DYNC2H1: variants seen among roughly 807,000 people sequenced by gnomAD.
The protein encoded by DYNC2H1 is dynein cytoplasmic 2 heavy chain 1.
DYNC2H1 carries 410 observed loss-of-function variants against 570.0 expected under a neutral mutation model. The ratio of observed to expected loss-of-function variants is 0.72; its 90% CI spans 0.66 to 0.78. DYNC2H1 has a LOEUF of 0.78. Among genes scored for constraint, DYNC2H1 ranks in the 30% least tolerant of loss-of-function variants. The pLI is 0.00. For synonymous variants in DYNC2H1, 1,688 were observed against 1,677.6 expected, an observed-to-expected ratio of 1.01 and a Z score of -0.15; for missense variants, 4,865 against 5,046.4, an observed-to-expected ratio of 0.96 and a Z score of 1.09.
chr11:103,296,159 A>G (rs1313051173), intron 75 of DYNC2H1, among the ~76,000 whole-genome samples: 1 of 152,118 alleles, frequency 6.6e-6, no homozygotes, highest in Admixed American at 6.6e-5. Context: ...TATTGAAATC[A>G]GCTGCTGTGA....
chr11:103,200,066 TG>T lies in DYNC2H1; in HGVS notation c.8110del (p.Glu2704LysfsTer5). On this transcript the variant is annotated frameshift_variant, in exon 50 of 89. Coordinates refer to ENST00000375735, the MANE Select transcript of DYNC2H1 (RefSeq NM_001377.3). LOFTEE classifies it high-confidence loss of function. Reference sequence around the variant, plus strand: ...TGCAGGTGCTGCAACTTGCAGGAATTGAAGCACAACAGGTAGTTTTACTTCT... The same window carrying T: ...TGCAGGTGCTGCAACTTGCAGGAATTAAGCACAACAGGTAGTTTTACTTCT... Reference protein sequence around the residue: ...LKHVLQLAGIEAQQVVLLLED... With the variant: ...LKHVLQLAGIXAQQVVLLLED... 1 of 1,586,468 alleles carries T rather than the reference TG, an allele frequency of 6.3e-7. No homozygotes were observed. Among genetic ancestry groups the T allele is most frequent in the Non-Finnish European group, 8.6e-7 (1 of 1,164,486 alleles).
chr11:103,436,056 T>A (rs1210040549), intron 85 of DYNC2H1, 24 bp downstream of exon 85: 1 of 1,602,810 alleles, frequency 6.2e-7, no homozygotes. Context: ...ATTTACTAAG[T>A]GGGTTGTCTG....
chr11:103,452,416 T>G (rs1471570018), intron 85 of DYNC2H1, among the ~76,000 whole-genome samples: 1 of 152,044 alleles, frequency 6.6e-6, no homozygotes, highest in Non-Finnish European at 1.5e-5. Flanking sequence ...TTTAATTTTG[T>G]CACAATAATT....
intron 77 of DYNC2H1, 35 bp from the exon 78 acceptor site, chr11:103,307,686 T>G: frequency 8.6e-7 from 1 of 1,160,996 alleles, no homozygotes. Flanking sequence ...TCATATATAT[T>G]TAAGTAAATT....
chr11:103,170,895 G>C lies in DYNC2H1; in HGVS notation c.5161G>C (p.Val1721Leu), dbSNP rs745965567. ...LVFNCDEGID[V>L]KSMGRIFVGL... ...TATTGTTGTTTTTAAGGGCATCGAT[G>C]TGAAGTCAATGGGACGAATATTTGT... Residue 1721 changes from valine to leucine, a missense_variant, in exon 34 of 89, where the codon GTG becomes CTG. Val to Leu is a conservative substitution (Grantham distance 32, BLOSUM62 1). Around this residue, in one of 5 missense-constraint regions of DYNC2H1, gnomAD observed 292 missense variants for 300.2 expected, o/e 0.97. Transcript: ENST00000375735. The surrounding 1 kb of genome is among the most constrained non-coding windows in gnomAD (Gnocchi z 4.8). 1 of 1,533,372 alleles carries C rather than the reference G, an allele frequency of 6.5e-7. No homozygotes were observed. Among genetic ancestry groups the C allele is most frequent in the South Asian group, 1.3e-5 (1 of 76,460 alleles). 95.0% of individuals were successfully genotyped at this position (1,533,372 alleles called of 1,614,324 possible).
intron 59 of DYNC2H1, among the ~76,000 whole-genome samples, chr11:103,223,384 C>G (rs1030458006): frequency 6.6e-6 from 1 of 151,688 alleles, no homozygotes; most frequent in African/African-American, 2.4e-5. Flanking sequence ...TTGTTGTTGT[C>G]GTTTTTTGTT....
intron 53 of DYNC2H1, among the ~76,000 whole-genome samples, chr11:103,210,332 A>C: frequency 6.6e-6 from 1 of 152,130 alleles, no homozygotes; most frequent in Admixed American, 6.5e-5. Context: ...TATATGAAAA[A>C]GTTTTATGAC....
intron 83 of DYNC2H1, among the ~76,000 whole-genome samples, chr11:103,383,666 G>C (rs1048578572): frequency 1.6e-4 from 3 of 18,640 alleles, no homozygotes; most frequent in Non-Finnish European, 4.8e-4. Flanking sequence ...AGTAGGGACG[G>C]GGTTTCACCA....
At chr11:103,156,234 G>C (rs1404129585) in intron 25 of DYNC2H1, among the ~76,000 whole-genome samples, 154 bp from the exon 26 acceptor site, 1 of 150,374 alleles carries the variant, frequency 6.7e-6, no homozygotes, top group Non-Finnish European at 1.5e-5. Context: ...TAATTTTCTT[G>C]AGTTGCATGT....
chr11:103,400,404 C>T (rs887416503), intron 84 of DYNC2H1, among the ~76,000 whole-genome samples: 1 of 152,058 alleles, frequency 6.6e-6, no homozygotes, highest in African/African-American at 2.4e-5. Flanking sequence ...AACACATATA[C>T]TGAGAGTAAG....
Position 103,200,134 on chromosome 11 carries a change from T to G in DYNC2H1, c.8177T>G (p.Ile2726Ser). The change falls in exon 50 of 89, where the codon ATC (isoleucine) becomes AGC (serine). Residue 2726 changes from isoleucine (I) to serine (S), a missense_variant. By Grantham distance (142) the Ile-to-Ser change is moderately radical. Transcript: ENST00000375735. ...QFVHPTFLEM[I>S]NSLLSSGEVP... Reference sequence around the variant, plus strand: ...GTACATCCTACATTTTTGGAGATGATCAATAGCCTTTTGTCTTCAGGCAAG... The same window carrying G: ...GTACATCCTACATTTTTGGAGATGAGCAATAGCCTTTTGTCTTCAGGCAAG... 1 of 1,575,696 alleles carries G rather than the reference T, an allele frequency of 6.3e-7. No homozygotes were observed. Among genetic ancestry groups the G allele is most frequent in the Non-Finnish European group, 8.6e-7 (1 of 1,159,380 alleles).
Position 103,165,934 on chromosome 11 carries a change from G to C in DYNC2H1, c.4648G>C (p.Asp1550His). 1 of 1,510,856 alleles carries C rather than the reference G, an allele frequency of 6.6e-7. No individual in the cohort carries two copies. Among genetic ancestry groups the C allele is most frequent in the South Asian group, 1.4e-5 (1 of 73,392 alleles). 93.6% of individuals were successfully genotyped at this position (1,510,856 alleles called of 1,614,324 possible). The part of the protein sequence containing the change: ...CLAEQIKFTE[D>H]VENAIKDHSL... Reference sequence around the variant, plus strand: ...GGCGGAGCAGATTAAATTCACTGAAGATGTAGAAAATGCTATTAAAGATCA... The same window carrying C: ...GGCGGAGCAGATTAAATTCACTGAACATGTAGAAAATGCTATTAAAGATCA... Residue 1550 changes from aspartate (D) to histidine (H), a missense_variant, in exon 31 of 89, where the codon GAT (aspartate) becomes CAT (histidine). Coordinates refer to ENST00000375735, the MANE Select transcript of DYNC2H1 (RefSeq NM_001377.3).
intron 18 of DYNC2H1, among the ~76,000 whole-genome samples, chr11:103,144,412 A>G (rs192615041): frequency 6.6e-6 from 1 of 152,310 alleles, no homozygotes; most frequent in East Asian, 1.9e-4. Flanking sequence ...CTGAACTAAA[A>G]CTATGGGGAT....
intron 44 of DYNC2H1, 23 bp downstream of exon 44, chr11:103,188,671 T>G: frequency 6.8e-7 from 1 of 1,479,262 alleles, no homozygotes; most frequent in Non-Finnish European, 9.0e-7. Flanking sequence ...GTGTTTCAGA[T>G]TTTTTAATTT....
chr11:103,431,312 T>G (rs1286326532), intron 84 of DYNC2H1, among the ~76,000 whole-genome samples: 1 of 152,022 alleles, frequency 6.6e-6, no homozygotes, highest in African/African-American at 2.4e-5. Context: ...TACCTAATTA[T>G]CTTACATTGA....
At chr11:103,210,422 T>C (rs563461798) in intron 53 of DYNC2H1, among the ~76,000 whole-genome samples, 6 of 152,102 alleles carry the variant, frequency 3.9e-5, no homozygotes, top group African/African-American at 1.4e-4. Flanking sequence ...ATTGTGGTCT[T>C]TATTTTTATA....
chr11:103,198,793 T>C (rs1159075533), intron 48 of DYNC2H1, among the ~76,000 whole-genome samples: 2 of 152,136 alleles, frequency 1.3e-5, no homozygotes, highest in East Asian at 3.9e-4. Flanking sequence ...GTGTTAGCTT[T>C]TGATTCATTC....
chr11:103,296,621 TCTGA>T (rs886866374), intron 75 of DYNC2H1, among the ~76,000 whole-genome samples: 5 of 152,178 alleles, frequency 3.3e-5, no homozygotes, highest in Non-Finnish European at 1.5e-5. Flanking sequence ...CTTTCCTTTC[TCTGA>T]CTGTGAATGA....
intron 83 of DYNC2H1, among the ~76,000 whole-genome samples, chr11:103,386,574 T>C (rs1460051116): frequency 6.6e-6 from 1 of 152,130 alleles, no homozygotes; most frequent in Non-Finnish European, 1.5e-5. Context: ...TATGTATACA[T>C]GTGCCATGTT....
Sources: allele counts gnomAD v4.1 joint callset (sites outside exome capture counted in the v4.1 genomes callset), GRCh38; gene constraint gnomAD v4.1.1; regional missense constraint gnomAD v4.1.1; non-coding constraint Gnocchi (gnomAD v3.1); transcripts MANE v1.5; gene names NCBI Gene and HGNC (gene_info 2026-07-23, HGNC 2026-07-21).